Variants in RUNDC1 observed in about 807,000 individuals in gnomAD.
RUNDC1 encodes RUN domain containing 1.
RUNDC1 carries 31 observed loss-of-function variants against 49.3 expected under a neutral mutation model. The ratio of observed to expected loss-of-function variants is 0.63; its 90% CI spans 0.47 to 0.85. The LOEUF is 0.85. RUNDC1 is among the 40% of genes least tolerant of loss of function. The pLI is 0.00. For missense variants in RUNDC1, 715 were observed against 806.7 expected (o/e 0.89, Z 1.38); for synonymous variants, 347 against 348.6 (o/e 1.00, Z 0.05).
intron 1 of RUNDC1, among the ~76,000 whole-genome samples, chr17:42,983,488 A>G (rs1292853927): frequency 7.0e-6 from 1 of 142,970 alleles, no homozygotes; most frequent in Admixed American, 7.5e-5. Flanking sequence ...AGATCCTCCT[A>G]CCTCAGCCTC....
rs1567735487 is a variant in RUNDC1 at position 42,995,026 on chromosome 17, TAAAG to T, written c.*3316_*3319del. Among the ~76,000 whole-genome samples, 3 of 152,130 alleles carry T rather than the reference TAAAG, an allele frequency of 2.0e-5. No individual in the cohort carries two copies. The highest frequency in any genetic ancestry group is 4.4e-5 in the Non-Finnish European group (3 of 68,010). On this transcript the variant is annotated 3_prime_UTR_variant, in exon 5 of 5. Transcript: ENST00000361677. ...GCAACTGCCTGCCTAGACTAGATGC[TAAAG>T]AAAGAGAAAAGTAAACCTACCCCGT...
In RUNDC1 at chr17:42,989,535, C is replaced by T. The variant is rs780923144; in HGVS notation, c.852C>T (p.Ile284=). 3 of 1,613,686 alleles carry T rather than the reference C, an allele frequency of 1.9e-6. No homozygotes were observed. The highest frequency in any genetic ancestry group is 1.3e-5 in the African/African-American group (1 of 74,990). The change falls in exon 3 of 5, where the codon ATC becomes ATT. Residue 284 remains isoleucine, a synonymous_variant. Transcript: ENST00000361677. ...ACCTTGAGATGTTTATCAACTTCAT[C>T]CAAGGTTAGAGGAGGGGATGGGATG... The part of the protein sequence containing the change: ...IRDLEMFINF[I]QDEVGSPLQT...
At position 42,987,277 on chromosome 17, in the gene RUNDC1, C is replaced by T. The variant is rs769587764; in HGVS notation, c.520C>T (p.Arg174Cys). ...TTAGAGTGAGCAGGAAAAGCAAGAG[C>T]GTCTGGAAACCCAAAGGGAGAAGCA... The part of the protein sequence containing the change: ...EDQSEQEKQE[R>C]LETQREKQKE... Residue 174 changes from arginine to cysteine, a missense_variant, in exon 2 of 5, where the codon CGT (arginine) becomes TGT (cysteine). Transcript: ENST00000361677. 3.7e-6 allele frequency: 6 copies of T among 1,613,842 alleles called. No homozygotes were observed. The highest frequency in any genetic ancestry group is 2.2e-5 in the East Asian group (1 of 44,898).
At chr17:42,985,941 C>A (rs181962308) in intron 1 of RUNDC1, among the ~76,000 whole-genome samples, 1 of 152,266 alleles carries the variant, frequency 6.6e-6, no homozygotes, top group African/African-American at 2.4e-5. Context: ...TTCACATCCC[C>A]ATTATGTGGC....
At chr17:42,981,152 G>A in intron 1 of RUNDC1, 78 bp downstream of exon 1, 1 of 1,448,972 alleles carries the variant, frequency 6.9e-7, no homozygotes, top group South Asian at 1.3e-5. Context: ...CCGGATGATG[G>A]TGCATGCGGG....
chr17:42,982,835 A>C lies in RUNDC1; in HGVS notation c.498+1761A>C, dbSNP rs918924017. Reference sequence around the variant, plus strand: ...CTAAAAATACAAAAAAAAAAAAAAAAAACTAGCCAGACATGGTGGCACATT... The same window carrying C: ...CTAAAAATACAAAAAAAAAAAAAAACAACTAGCCAGACATGGTGGCACATT... On this transcript the variant is annotated intron_variant, in intron 1 of 4. Transcript: ENST00000361677. Among the ~76,000 whole-genome samples the C allele has an allele frequency of 7.3e-4, 110 of 151,490 alleles. No homozygotes were observed. The East Asian group carries it at 0.016, about 21-fold the overall frequency.
chr17:42,991,225 C>T lies in RUNDC1; in HGVS notation c.1351C>T (p.Leu451Phe). ...GTATGCCTCCTCCCCAGGGATGAGC[C>T]TTGTTATGGCTCCTATTGCTTGTTT... Reference protein sequence around the residue: ...GLYASSPGMSLVMAPIACLLP... With the variant: ...GLYASSPGMSFVMAPIACLLP... The change falls in exon 5 of 5, where the codon CTT (leucine) becomes TTT (phenylalanine). Residue 451 changes from leucine to phenylalanine, a missense_variant. Leu to Phe is a conservative substitution (Grantham distance 22). This residue lies in a region of RUNDC1 where 425 missense variants were observed against 499.7 expected (regional missense o/e 0.85). Coordinates refer to ENST00000361677, the MANE Select transcript of RUNDC1 (RefSeq NM_173079.5). 6.2e-7 allele frequency: 1 copy of T among 1,614,228 alleles called. No individual in the cohort carries two copies. The highest frequency in any genetic ancestry group is 8.5e-7 in the Non-Finnish European group (1 of 1,180,028).
At position 42,980,709 on chromosome 17, in the gene RUNDC1, G is replaced by A; in HGVS notation, c.133G>A (p.Ala45Thr). 1 of 1,555,794 alleles carries A rather than the reference G, an allele frequency of 6.4e-7. No individual in the cohort carries two copies. Among genetic ancestry groups the A allele is most frequent in the African/African-American group, 1.4e-5 (1 of 73,362 alleles). ...CEAVRWAPVG[A>T]VAEARPGATA... ...GGCGGTGCGCTGGGCCCCAGTGGGG[G>A]CGGTGGCGGAGGCCCGGCCTGGGGC... Residue 45 changes from alanine (A) to threonine (T), a missense_variant, in exon 1 of 5, where the codon GCG becomes ACG. Around this residue, in one of 5 missense-constraint regions of RUNDC1, gnomAD observed 153 missense variants for 139.4 expected, o/e 1.10. Coordinates refer to ENST00000361677, the MANE Select transcript of RUNDC1 (RefSeq NM_173079.5).
chr17:42,981,184 C>T (rs978283166), intron 1 of RUNDC1, 110 bp downstream of exon 1: 42 of 1,347,916 alleles, frequency 3.1e-5, no homozygotes, highest in Non-Finnish European at 3.9e-5. Flanking sequence ...CCGACTCGGT[C>T]GGTGAGTACG....
intron 4 of RUNDC1, 67 bp from the exon 5 acceptor site, chr17:42,990,784 G>T: frequency 6.6e-7 from 1 of 1,510,934 alleles, no homozygotes; most frequent in South Asian, 1.3e-5. Flanking sequence ...CTCAGCCTGT[G>T]ATTTGTTGAG....
chr17:42,991,200 G>A lies in RUNDC1; in HGVS notation c.1326G>A (p.Leu442=), dbSNP rs151110762. ...VAVRDLLAHG[L]YASSPGMSLV... ...TGAGGGACCTGCTGGCCCATGGACTGTATGCCTCCTCCCCAGGGATGAGCC... is the reference window on the plus strand; with the variant it reads ...TGAGGGACCTGCTGGCCCATGGACTATATGCCTCCTCCCCAGGGATGAGCC... Residue 442 remains leucine, a synonymous_variant, in exon 5 of 5, where the codon CTG becomes CTA. Transcript: ENST00000361677. 5 of 1,614,112 alleles carry A rather than the reference G, an allele frequency of 3.1e-6. No homozygotes were observed. The African/African-American group carries it at 5.3e-5, about 17-fold the overall frequency.
chr17:42,985,650 G>A, intron 1 of RUNDC1: 1 of 670,136 alleles, frequency 1.5e-6, no homozygotes, highest in Non-Finnish European at 1.8e-6. Flanking sequence ...TACTTCTTCA[G>A]GGCTTGGTAA....
rs2050225609 is a variant in RUNDC1 at position 42,990,584 on chromosome 17, T to C, written c.976+148T>C. ...TTGGGAAGGATGAAATATTCTAAAA[T>C]TGATTGCAGTGACAGTTATACAATT... is the stretch of plus-strand genomic sequence containing the variant. On this transcript the variant is annotated intron_variant, in intron 4 of 4. Coordinates refer to ENST00000361677, the MANE Select transcript of RUNDC1 (RefSeq NM_173079.5). 4.5e-6 allele frequency: 4 copies of C among 882,556 alleles called. No homozygotes were observed. In the East Asian group the frequency reaches 1.1e-4, roughly 23 times the overall value. The allele number at this position is 882,556 out of a possible 1,614,324, so 54.7% of individuals were successfully genotyped here. A position where few individuals can be genotyped will look rare whatever the true frequency, so the allele number is the denominator to read the frequency against.
chr17:42,991,019 T>C lies in RUNDC1; in HGVS notation c.1145T>C (p.Leu382Pro). Residue 382 changes from leucine (L) to proline (P), a missense_variant, in exon 5 of 5, where the codon CTG (leucine) becomes CCG (proline). Transcript: ENST00000361677. Reference sequence around the variant, plus strand: ...GCTGACAGAGACTACTCTCCCTTGCTGAAGAGGCTGGAGGTGTCAGTGGAC... The same window carrying C: ...GCTGACAGAGACTACTCTCCCTTGCCGAAGAGGCTGGAGGTGTCAGTGGAC... ...VQADRDYSPL[L>P]KRLEVSVDRV... The C allele has an allele frequency of 6.2e-7, 1 of 1,614,178 alleles. No individual in the cohort carries two copies. The highest frequency in any genetic ancestry group is 8.5e-7 in the Non-Finnish European group (1 of 1,179,998).
intron 2 of RUNDC1, among the ~76,000 whole-genome samples, chr17:42,988,318 T>C (rs1037048840): frequency 1.3e-5 from 2 of 150,956 alleles, no homozygotes; most frequent in African/African-American, 4.9e-5. Flanking sequence ...AGTGGCATGA[T>C]CTTGGCTCAC....
chr17:42,989,246 T>C, intron 2 of RUNDC1, 95 bp from the exon 3 acceptor site: 1 of 897,242 alleles, frequency 1.1e-6, no homozygotes, highest in Non-Finnish European at 1.8e-6. Flanking sequence ...TGTTTTTTAT[T>C]TCCATTTAAG....
intron 1 of RUNDC1, among the ~76,000 whole-genome samples, chr17:42,985,250 A>G (rs905288571): frequency 6.6e-6 from 1 of 152,212 alleles, no homozygotes; most frequent in South Asian, 2.1e-4. Flanking sequence ...ATCTTGTGCC[A>G]GACACTGTGC....
intron 2 of RUNDC1, 42 bp downstream of exon 2, chr17:42,987,456 A>G: frequency 6.3e-7 from 1 of 1,596,184 alleles, no homozygotes; most frequent in Non-Finnish European, 8.6e-7. Flanking sequence ...GCCCGAGGTT[A>G]ACTTGTCCCT....
chr17:42,987,120 G>C, intron 1 of RUNDC1, 136 bp from the exon 2 acceptor site: 1 of 594,808 alleles, frequency 1.7e-6, no homozygotes, highest in South Asian at 2.6e-5. Flanking sequence ...TGAATCTATC[G>C]TATGAATTGT....
Sources: gnomAD v4.1 joint callset for allele counts (sites outside exome capture counted in the v4.1 genomes callset) on GRCh38, gnomAD v4.1.1 for gene constraint, gnomAD v4.1.1 regional missense constraint, MANE v1.5 for transcripts, NCBI Gene and HGNC (gene_info 2026-07-23, HGNC 2026-07-21) for gene names.